The following RGS12 variants were observed in gnomAD, a reference collection of about 807,000 sequenced individuals.
The protein encoded by RGS12 is regulator of G protein signaling 12, also known as regulator of G-protein signaling 12.
Under a neutral mutation model 120.1 loss-of-function variants are expected in RGS12, and 66 were observed. The observed-to-expected ratio is 0.55, with a 90% CI of 0.45 to 0.67. RGS12 has a LOEUF of 0.67. Among genes scored for constraint, RGS12 ranks in the 30% least tolerant of loss-of-function variants. The pLI is 0.00. For synonymous variants in RGS12, 827 were observed against 804.7 expected (o/e 1.03, Z -0.47); for missense variants, 1,859 against 1,957.7 (o/e 0.95, Z 0.95).
intron 2 of RGS12, among the ~76,000 whole-genome samples, chr4:3,323,051 C>T (rs997359736): frequency 6.6e-6 from 1 of 152,172 alleles, no homozygotes; most frequent in African/African-American, 2.4e-5. Flanking sequence ...ATCTGAAAAT[C>T]GCGCTCATAA....
At chr4:3,312,467 C>T (rs960794694) in intron 1 of RGS12, 2 of 216,288 alleles carry the variant, frequency 9.2e-6, no homozygotes, top group Non-Finnish European at 9.9e-6. Flanking sequence ...TGCGTTCCTG[C>T]GTTCTGGACT....
In RGS12 at chr4:3,359,625, C is replaced by CT. The variant is rs764421876; in HGVS notation, c.1998+16587dup. On this transcript the variant is annotated intron_variant, in intron 3 of 17. Coordinates refer to ENST00000336727, the MANE Select transcript of RGS12 (RefSeq NM_001394154.1). ...AGATTTTCTAGTTCTTTTTTCTTTT[C>CT]TTTTTTTTTTTTTTTGAGGCAGTGT... Among the ~76,000 whole-genome samples the CT allele has an allele frequency of 2.4e-3, 307 of 126,968 alleles. 1 individual carries two copies. The highest frequency in any genetic ancestry group is 4.7e-3 in the African/African-American group (155 of 32,812). The allele number at this position is 126,968 out of a possible 152,430, so 83.3% of individuals were successfully genotyped here. A position where few individuals can be genotyped will look rare whatever the true frequency, so the allele number is the denominator to read the frequency against.
intron 4 of RGS12, among the ~76,000 whole-genome samples, chr4:3,392,722 T>C (rs1719632371): frequency 6.6e-6 from 1 of 152,202 alleles, no homozygotes; most frequent in Non-Finnish European, 1.5e-5. Context: ...GGTGCAGTGG[T>C]TCATGCCTGT....
intron 1 of RGS12, among the ~76,000 whole-genome samples, chr4:3,311,629 G>A (rs1211112921): frequency 6.6e-6 from 1 of 152,200 alleles, no homozygotes; most frequent in Admixed American, 6.5e-5. Flanking sequence ...ATGGGTCAGT[G>A]TACACAAACC....
intron 3 of RGS12, among the ~76,000 whole-genome samples, chr4:3,359,713 C>T (rs753657823): frequency 1.3e-5 from 2 of 150,884 alleles, no homozygotes; most frequent in Non-Finnish European, 2.9e-5. Context: ...AACTCCACCT[C>T]CTGGGTTCAA....
intron 3 of RGS12, among the ~76,000 whole-genome samples, chr4:3,362,499 AG>A (rs1190773720): frequency 2.0e-5 from 2 of 101,024 alleles, no homozygotes; most frequent in South Asian, 3.7e-4. Flanking sequence ...GGTGTGTGTG[AG>A]GGTGCGAGGA....
chr4:3,356,989 C>A (rs892934163), intron 3 of RGS12, among the ~76,000 whole-genome samples: 1 of 152,154 alleles, frequency 6.6e-6, no homozygotes, highest in African/African-American at 2.4e-5. Context: ...ATAGTGGCTG[C>A]ACCACTGGAT....
At chr4:3,320,616 T>G (rs1048080727) in intron 2 of RGS12, among the ~76,000 whole-genome samples, 2 of 152,338 alleles carry the variant, frequency 1.3e-5, no homozygotes, top group Non-Finnish European at 2.9e-5. Flanking sequence ...TATCTAAAAA[T>G]AAACAGGTAG....
intron 16 of RGS12, among the ~76,000 whole-genome samples, chr4:3,429,634 G>A (rs535113249): frequency 6.6e-6 from 1 of 152,224 alleles, no homozygotes; most frequent in Non-Finnish European, 1.5e-5. Context: ...TGGCCTTGGG[G>A]CCTGCTACAC....
intron 2 of RGS12, among the ~76,000 whole-genome samples, chr4:3,318,647 AGCATCCCTTTGGGGGCCCT>A (rs1309062506): frequency 3.9e-5 from 6 of 152,242 alleles, no homozygotes. Context: ...TGGACCCATC[AGCATCCCTTTGGGGGCCCT>A]GCCTTTAGGA....
intron 3 of RGS12, among the ~76,000 whole-genome samples, chr4:3,371,632 T>G (rs1716998906): frequency 6.6e-6 from 1 of 152,148 alleles, no homozygotes. Context: ...GCATCAGAAG[T>G]GAGCGGCTCC....
At chr4:3,297,469 C>T (rs1236249393) in intron 1 of RGS12, among the ~76,000 whole-genome samples, 1 of 152,202 alleles carries the variant, frequency 6.6e-6, no homozygotes, top group Non-Finnish European at 1.5e-5. Flanking sequence ...AGGTTTAGCT[C>T]TCCTCTGTCC....
rs1722882874 is a variant in RGS12 at position 3,420,446 on chromosome 4, C to G, written c.2762-196C>G. On this transcript the variant is annotated intron_variant, in intron 9 of 17. Transcript: ENST00000336727. ...ATGGTGGGTAGAGCCTTGTTGGTCC[C>G]TGACTGGCTTCCAGGGTTAGGAAGA... The G allele has an allele frequency of 4.7e-6, 3 of 638,438 alleles. No individual in the cohort carries two copies. The East Asian group carries it at 8.3e-5, about 18-fold the overall frequency. 39.5% of individuals were successfully genotyped at this position (638,438 alleles called of 1,614,324 possible).
Position 3,317,484 on chromosome 4 carries a change from C to T in RGS12, c.1314C>T (p.Val438=). 1 of 1,613,784 alleles carries T rather than the reference C, an allele frequency of 6.2e-7. No individual in the cohort carries two copies. Among genetic ancestry groups the T allele is most frequent in the Non-Finnish European group, 8.5e-7 (1 of 1,180,030 alleles). The change falls in exon 2 of 18, where the codon GTC becomes GTT. Residue 438 remains valine, a synonymous_variant. Transcript: ENST00000336727. ...NFHQEEKSNR[V]LVVDLGGSSS... ...ACCAGGAGGAGAAGAGCAACCGGGT[C>T]CTTGTGGTGGACCTGGGTGGGAGCT... is the stretch of plus-strand genomic sequence containing the variant.
intron 2 of RGS12, among the ~76,000 whole-genome samples, chr4:3,341,270 GTA>G (rs1560099011): frequency 1.8e-4 from 1 of 5,692 alleles, no homozygotes; most frequent in Admixed American, 1.7e-3. Context: ...AGAGATGGGG[GTA>G]TGGGGGGAGG....
chr4:3,304,265 T>A (rs1723852566), intron 1 of RGS12, among the ~76,000 whole-genome samples: 1 of 152,248 alleles, frequency 6.6e-6, no homozygotes, highest in Non-Finnish European at 1.5e-5. Flanking sequence ...CAGCCTAATG[T>A]ATTATTCAAA....
chr4:3,331,822 G>A (rs1023890058), intron 2 of RGS12, among the ~76,000 whole-genome samples: 14 of 152,350 alleles, frequency 9.2e-5, no homozygotes, highest in Middle Eastern at 3.4e-3. Context: ...GGGAAGGAAC[G>A]GCGGCTCCAG....
intron 17 of RGS12, among the ~76,000 whole-genome samples, chr4:3,435,349 C>T (rs527254685): frequency 3.9e-5 from 6 of 152,210 alleles, no homozygotes; most frequent in Admixed American, 3.3e-4. Context: ...GAGGCCTCCT[C>T]GGCAGCTCCC....
rs781263242 is a variant in RGS12, at chr4:3,422,928, T to C, written c.3057T>C (p.Ser1019=). ...AGCCTCTGGTGCTGCACCAAGACAGTAGCATCTTGGAGTCAAGGGACCTGC... is the reference window on the plus strand; with the variant it reads ...AGCCTCTGGTGCTGCACCAAGACAGCAGCATCTTGGAGTCAAGGGACCTGC... The part of the protein sequence containing the change: ...GDKPLVLHQD[S]SILESRDLRL... Residue 1019 remains serine, a synonymous_variant, in exon 12 of 18, where the codon AGT becomes AGC. Transcript: ENST00000336727. 4 of 1,613,342 alleles carry C rather than the reference T, an allele frequency of 2.5e-6. No individual in the cohort carries two copies.
Sources: allele counts gnomAD v4.1 joint callset (sites outside exome capture counted in the v4.1 genomes callset), GRCh38; gene constraint gnomAD v4.1.1; transcripts MANE v1.5; gene names NCBI Gene and HGNC (gene_info 2026-07-23, HGNC 2026-07-21).